Variants in KLHL12 observed in about 807,000 individuals in gnomAD.
The protein encoded by KLHL12 is kelch-like protein 12.
A neutral mutation model predicts 60.8 loss-of-function variants in KLHL12; 17 were observed. That is an observed-to-expected ratio of 0.28 (90% CI 0.19 to 0.42). The LOEUF (loss-of-function observed/expected upper bound fraction) is 0.42. Among genes scored for constraint, KLHL12 ranks in the 10% least tolerant of loss-of-function variants. KLHL12 has a pLI of 1.00. For missense variants in KLHL12, 468 were observed against 722.3 expected, an observed-to-expected ratio of 0.65 and a Z score of 4.04; for synonymous variants, 220 against 250.9, an observed-to-expected ratio of 0.88 and a Z score of 1.16.
chr1:202,895,143 G>A lies in KLHL12; in HGVS notation c.1135+379C>T, dbSNP rs1482609880. 1.3e-5 allele frequency among the ~76,000 whole-genome samples: 2 copies of A among 152,168 alleles called. No homozygotes were observed. The highest frequency in any genetic ancestry group is 2.9e-5 in the Non-Finnish European group (2 of 68,020). ...ACAGTGGCTCACACCTGTAATCCCAGCACCTTGGGAGGCCGAGGTGGGTCA... is the reference window on the plus strand; with the variant it reads ...ACAGTGGCTCACACCTGTAATCCCAACACCTTGGGAGGCCGAGGTGGGTCA... On this transcript the variant is annotated intron_variant, in intron 8 of 11. Coordinates refer to ENST00000367261, the MANE Select transcript of KLHL12 (RefSeq NM_021633.4). This position sits in a 1 kb window ranked among gnomAD's most constrained non-coding sequence, Gnocchi z 4.2.
At chr1:202,925,528 A>G (rs1004793346) in intron 1 of KLHL12, among the ~76,000 whole-genome samples, 1 of 152,246 alleles carries the variant, frequency 6.6e-6, no homozygotes, top group Non-Finnish European at 1.5e-5. Context: ...CTCAAATGAT[A>G]AACCGAAAAT....
At chr1:202,894,072 A>C (rs923878232) in intron 10 of KLHL12, 112 bp downstream of exon 10, 1 of 606,938 alleles carries the variant, frequency 1.6e-6, no homozygotes, top group African/African-American at 1.9e-5. Flanking sequence ...GACAAGGAGG[A>C]GAGCAGAATC....
rs529068196 is a variant in KLHL12 at position 202,915,582 on chromosome 1, T to C, written c.567+2589A>G. ...ATCCAGTTTTATTCCAAAGCCTGTA[T>C]AGTTCCAAAAGAAATGACTTCTATG... On this transcript the variant is annotated intron_variant, in intron 4 of 11. Coordinates refer to ENST00000367261, the MANE Select transcript of KLHL12 (RefSeq NM_021633.4). 2.4e-4 allele frequency among the ~76,000 whole-genome samples: 37 copies of C among 152,352 alleles called. No individual in the cohort carries two copies. In the South Asian group the frequency reaches 7.5e-3, roughly 31 times the overall value.
chr1:202,923,143 G>C (rs1303938389), intron 2 of KLHL12, among the ~76,000 whole-genome samples: 1 of 152,154 alleles, frequency 6.6e-6, no homozygotes, highest in Non-Finnish European at 1.5e-5. Context: ...TTCCTTGCCT[G>C]ATGTCAGTTT....
intron 2 of KLHL12, among the ~76,000 whole-genome samples, chr1:202,920,369 ATTTTTT>A (rs951695987): frequency 8.4e-5 from 7 of 83,806 alleles, no homozygotes; most frequent in East Asian, 3.7e-4. Flanking sequence ...ATTTTGTTGG[ATTTTTT>A]TTTTTTTTTT....
chr1:202,925,468 T>C (rs936308041), intron 1 of KLHL12, among the ~76,000 whole-genome samples: 1 of 152,208 alleles, frequency 6.6e-6, no homozygotes, highest in Non-Finnish European at 1.5e-5. Context: ...TGCTGAAATG[T>C]AAGTAGAGAT....
chr1:202,926,835 A>G (rs1376034181), intron 1 of KLHL12, among the ~76,000 whole-genome samples: 2 of 152,172 alleles, frequency 1.3e-5, no homozygotes, highest in African/African-American at 4.8e-5. Flanking sequence ...GAAGGAAACG[A>G]AGTCCTTCCT....
intron 6 of KLHL12, among the ~76,000 whole-genome samples, chr1:202,906,529 G>A (rs906632026): frequency 6.6e-6 from 1 of 151,330 alleles, no homozygotes; most frequent in African/African-American, 2.4e-5. Context: ...TGTTTAATGG[G>A]TACAGAGTTT....
chr1:202,910,830 A>C (rs1660330259), intron 5 of KLHL12, among the ~76,000 whole-genome samples: 1 of 152,158 alleles, frequency 6.6e-6, no homozygotes, highest in South Asian at 2.1e-4. Context: ...GCAAAACACA[A>C]AATTGAACCA....
chr1:202,928,269 C>T (rs1186990196), upstream of KLHL12, among the ~76,000 whole-genome samples: 91 of 102,690 alleles, frequency 8.9e-4, no homozygotes, highest in African/African-American at 2.9e-3. Flanking sequence ...AGCAAGACTC[C>T]GTCTCAAAAA....
chr1:202,914,687 G>A (rs1277685291), intron 4 of KLHL12, among the ~76,000 whole-genome samples: 1 of 151,988 alleles, frequency 6.6e-6, no homozygotes, highest in East Asian at 1.9e-4. Flanking sequence ...CCAAGATGGT[G>A]AAACCCAGTC....
At chr1:202,927,308 T>G (rs1203944774), upstream of KLHL12, 2 of 979,332 alleles carry the variant, frequency 2.0e-6, no homozygotes, top group Non-Finnish European at 2.4e-6. Flanking sequence ...AGAGTCTGCG[T>G]CACGTGAGGA....
At chr1:202,897,086 G>A (rs769829965) in intron 6 of KLHL12, 126 bp from the exon 7 acceptor site, 46 of 746,142 alleles carry the variant, frequency 6.2e-5, no homozygotes, top group Non-Finnish European at 8.3e-5. Flanking sequence ...GATGCAATCC[G>A]AAATGGGAGA....
In KLHL12 at chr1:202,892,610, T is replaced by C; in HGVS notation, c.1630A>G (p.Ile544Val). The change falls in exon 12 of 12, where the codon ATC becomes GTC. Residue 544 changes from isoleucine to valine, a missense_variant. Transcript: ENST00000367261. Reference protein sequence around the residue: ...LSSIECYDPIIDSWEVVTSMG... With the variant: ...LSSIECYDPIVDSWEVVTSMG... ...GATGTCACGACTTCCCAGCTGTCGA[T>C]GATAGGGTCATAACATTCAATGCTA... The C allele has an allele frequency of 2.5e-6, 4 of 1,614,128 alleles. No homozygotes were observed. Among genetic ancestry groups the C allele is most frequent in the East Asian group, 2.2e-5 (1 of 44,884 alleles).
chr1:202,912,988 ATT>A (rs200261542), intron 4 of KLHL12, among the ~76,000 whole-genome samples: 8 of 145,254 alleles, frequency 5.5e-5, no homozygotes, highest in Admixed American at 2.1e-4. Context: ...TTTAATGCAG[ATT>A]TTTTTTTTTT....
chr1:202,916,917 G>A (rs1660538686), intron 4 of KLHL12, among the ~76,000 whole-genome samples: 2 of 150,670 alleles, frequency 1.3e-5, no homozygotes, highest in African/African-American at 4.9e-5. Flanking sequence ...AGGCTGCAGT[G>A]AGCCATAATT....
At position 202,892,220 on chromosome 1, in the gene KLHL12, A is replaced by G. The variant is rs1396430342; in HGVS notation, c.*313T>C. 3.4e-6 allele frequency: 1 copy of G among 297,852 alleles called. No individual in the cohort carries two copies. The allele number at this position is 297,852 out of a possible 1,614,324, so 18.5% of individuals were successfully genotyped here. ...GCAACATATGAGGCACAACATACAT[A>G]TAGTACACCAAGCATGTGGTAAGTT... is the stretch of plus-strand genomic sequence containing the variant. On this transcript the variant is annotated 3_prime_UTR_variant, in exon 12 of 12. Coordinates refer to ENST00000367261, the MANE Select transcript of KLHL12 (RefSeq NM_021633.4).
chr1:202,919,009 G>A (rs1204025137), intron 3 of KLHL12, among the ~76,000 whole-genome samples: 1 of 152,196 alleles, frequency 6.6e-6, no homozygotes, highest in East Asian at 1.9e-4. Context: ...CCAGCATTCT[G>A]GGAGGCAAGG....
In KLHL12 at chr1:202,894,232, G is replaced by A; in HGVS notation, c.1345C>T (p.His449Tyr). 1 of 1,558,388 alleles carries A rather than the reference G, an allele frequency of 6.4e-7. No individual in the cohort carries two copies. ...ILNSVEKYDP[H>Y]TGHWTNVTPM... ...GTAACATTAGTCCAATGTCCTGTAT[G>A]AGGGTCGTATTTCTCAACTGAATTT... Residue 449 changes from histidine to tyrosine, a missense_variant, in exon 10 of 12, where the codon CAT becomes TAT. By Grantham distance (83) the His-to-Tyr change is moderately conservative. This residue lies in a region of KLHL12 where 339 missense variants were observed against 525.0 expected (regional missense o/e 0.65). Coordinates refer to ENST00000367261, the MANE Select transcript of KLHL12 (RefSeq NM_021633.4).
Sources: allele counts gnomAD v4.1 joint callset (sites outside exome capture counted in the v4.1 genomes callset), GRCh38; gene constraint gnomAD v4.1.1; regional missense constraint gnomAD v4.1.1; non-coding constraint Gnocchi (gnomAD v3.1); transcripts MANE v1.5; gene names NCBI Gene and HGNC (gene_info 2026-07-23, HGNC 2026-07-21).